The following SLC25A25 variants were observed in gnomAD, a reference collection of about 807,000 sequenced individuals.
SLC25A25 encodes solute carrier family 25 member 25.
A neutral mutation model predicts 57.7 loss-of-function variants in SLC25A25; 32 were observed. That is an observed-to-expected ratio of 0.55 (90% CI 0.42 to 0.74). The LOEUF is 0.74. Among genes scored for constraint, SLC25A25 ranks in the 30% least tolerant of loss-of-function variants. The probability of loss-of-function intolerance (pLI) is 0.00; values close to 1 mark genes in which losing one functional copy is unlikely to be tolerated. For synonymous variants in SLC25A25, 306 were observed against 291.2 expected, an observed-to-expected ratio of 1.05 and a Z score of -0.52; for missense variants, 556 against 701.3, an observed-to-expected ratio of 0.79 and a Z score of 2.34.
chr9:128,092,183 C>G, intron 1 of SLC25A25: 1 of 1,058,780 alleles, frequency 9.4e-7, no homozygotes, highest in Non-Finnish European at 1.2e-6. Context: ...AGGGAGAACT[C>G]ACAACGTTAG....
intron 1 of SLC25A25, among the ~76,000 whole-genome samples, chr9:128,072,858 A>G (rs1832936708): frequency 6.6e-6 from 1 of 152,218 alleles, no homozygotes; most frequent in African/African-American, 2.4e-5. Context: ...TTTAAAACAT[A>G]GGTTAGAACT....
chr9:128,094,568 G>A (rs1383257167), intron 1 of SLC25A25: 2 of 152,206 alleles, frequency 1.3e-5, no homozygotes, highest in African/African-American at 4.8e-5. Context: ...AGGGTGGGTG[G>A]GGCTTGAGCG....
At position 128,103,969 on chromosome 9, in the gene SLC25A25, C is replaced by G; in HGVS notation, c.783+130C>G. ...AACTTTTCTAACCCAATAAATTAGA[C>G]TAGAATTATTGCTCAGACAGGGGGT... On this transcript the variant is annotated intron_variant, in intron 6 of 10. Transcript: ENST00000373069. This position sits in a 1 kb window ranked among gnomAD's most constrained non-coding sequence, Gnocchi z 6.7. 1 of 939,050 alleles carries G rather than the reference C, an allele frequency of 1.1e-6. No homozygotes were observed. Among genetic ancestry groups the G allele is most frequent in the Non-Finnish European group, 1.5e-6 (1 of 656,506 alleles). 58.2% of individuals were successfully genotyped at this position (939,050 alleles called of 1,614,324 possible). A position where few individuals can be genotyped will look rare whatever the true frequency, so the allele number is the denominator to read the frequency against.
chr9:128,091,482 CTG>C, intron 1 of SLC25A25: 1 of 987,250 alleles, frequency 1.0e-6, no homozygotes, highest in Non-Finnish European at 1.2e-6. Flanking sequence ...AGCTGAATAA[CTG>C]GGAGCTCGAA....
chr9:128,105,492 C>T (rs1045434776), intron 6 of SLC25A25, among the ~76,000 whole-genome samples: 2 of 151,970 alleles, frequency 1.3e-5, no homozygotes, highest in Non-Finnish European at 2.9e-5. Flanking sequence ...TTTAAGTCAT[C>T]TTTATGGAGA....
chr9:128,088,587 C>T (rs768490493), intron 1 of SLC25A25, among the ~76,000 whole-genome samples: 32 of 152,278 alleles, frequency 2.1e-4, no homozygotes, highest in Admixed American at 5.2e-4. Context: ...CAATGGGAGG[C>T]GCTCCTGGCT....
At chr9:128,087,677 G>C (rs1833308449) in intron 1 of SLC25A25, among the ~76,000 whole-genome samples, 1 of 152,198 alleles carries the variant, frequency 6.6e-6, no homozygotes, top group Non-Finnish European at 1.5e-5. Flanking sequence ...ATGGACTCCA[G>C]CTATGGGTGT....
chr9:128,095,679 G>C lies in SLC25A25; in HGVS notation c.262-5417G>C, dbSNP rs1335188205. Among the ~76,000 whole-genome samples the C allele has an allele frequency of 6.6e-6, 1 of 152,070 alleles. No homozygotes were observed. The highest frequency in any genetic ancestry group is 1.5e-5 in the Non-Finnish European group (1 of 68,010). On this transcript the variant is annotated intron_variant, in intron 1 of 10. Coordinates refer to ENST00000373069, the MANE Select transcript of SLC25A25 (RefSeq NM_001330988.2). The surrounding 1 kb of genome is among the most constrained non-coding windows in gnomAD (Gnocchi z 4.4). ...TTAAAAATTAGCTGGGTGTGCTCGT[G>C]GGCACCTGTAGTCCCAGCTACTCGG...
chr9:128,085,494 A>T (rs1464966526), intron 1 of SLC25A25, among the ~76,000 whole-genome samples: 1 of 152,186 alleles, frequency 6.6e-6, no homozygotes, highest in Admixed American at 6.5e-5. Flanking sequence ...ATTTAAACAC[A>T]TATAGGCAAG....
At chr9:128,097,285 C>T (rs575644915) in intron 1 of SLC25A25, among the ~76,000 whole-genome samples, 7 of 152,324 alleles carry the variant, frequency 4.6e-5, no homozygotes, top group African/African-American at 1.7e-4. Context: ...GAATTCAGGC[C>T]GGCCTGCAGA....
At chr9:128,091,184 T>A (rs1194086751) in intron 1 of SLC25A25, 1 of 152,392 alleles carries the variant, frequency 6.6e-6, no homozygotes, top group Admixed American at 6.5e-5. Context: ...TTGCACTTGA[T>A]GGTGAATGCC....
At chr9:128,080,229 TAAA>T (rs890781691) in intron 1 of SLC25A25, among the ~76,000 whole-genome samples, 3 of 97,172 alleles carry the variant, frequency 3.1e-5, no homozygotes, top group African/African-American at 1.1e-4. Flanking sequence ...ATACCCCATC[TAAA>T]AAAAAAAAAC....
At chr9:128,079,603 C>CAAAAA (rs531439672) in intron 1 of SLC25A25, among the ~76,000 whole-genome samples, 1 of 48,056 alleles carries the variant, frequency 2.1e-5, no homozygotes, top group Non-Finnish European at 4.5e-5. Context: ...ACTAAAAATA[C>CAAAAA]AAAAAAAAAA....
chr9:128,105,577 C>T, intron 6 of SLC25A25, 152 bp from the exon 7 acceptor site: 1 of 1,157,414 alleles, frequency 8.6e-7, no homozygotes. Flanking sequence ...TGTTGGGTTA[C>T]TTTGGGCTCA....
At chr9:128,098,590 G>A (rs1200262114) in intron 1 of SLC25A25, 7 of 1,614,078 alleles carry the variant, frequency 4.3e-6, no homozygotes, top group Non-Finnish European at 5.9e-6. Flanking sequence ...GCCTGTATGT[G>A]CCGGTCATCG....
chr9:128,091,546 CTTT>C (rs757342831), intron 1 of SLC25A25: 10,248 of 789,126 alleles, frequency 0.013, 12 homozygotes, highest in East Asian at 0.061. Flanking sequence ...TTTTCCTTTT[CTTT>C]TTTTTTTTTT....
intron 1 of SLC25A25, among the ~76,000 whole-genome samples, chr9:128,088,553 G>C (rs769753669): frequency 6.6e-6 from 1 of 152,192 alleles, no homozygotes; most frequent in South Asian, 2.1e-4. Flanking sequence ...ACCTAGACTG[G>C]AAGCTCCAGG....
At chr9:128,070,393 C>G (rs1242522624) in intron 1 of SLC25A25, among the ~76,000 whole-genome samples, 1 of 151,270 alleles carries the variant, frequency 6.6e-6, no homozygotes, top group African/African-American at 2.4e-5. Context: ...CCACCGCGCC[C>G]GGCCACCCAG....
At chr9:128,100,920 CTG>C in intron 1 of SLC25A25, 174 bp from the exon 2 acceptor site, 1 of 801,140 alleles carries the variant, frequency 1.2e-6, no homozygotes, top group Non-Finnish European at 1.9e-6. Context: ...GGTGGTGGCT[CTG>C]GCATGTAAGT....
Sources: allele counts gnomAD v4.1 joint callset (sites outside exome capture counted in the v4.1 genomes callset), GRCh38; gene constraint gnomAD v4.1.1; non-coding constraint Gnocchi (gnomAD v3.1); transcripts MANE v1.5; gene names NCBI Gene and HGNC (gene_info 2026-07-23, HGNC 2026-07-21).